Variants in LHCGR observed in about 807,000 individuals in gnomAD.
LHCGR encodes the protein lutropin-choriogonadotropic hormone receptor.
Under a neutral mutation model 60.7 loss-of-function variants are expected in LHCGR, and 55 were observed. That is an observed-to-expected ratio of 0.91 (90% CI 0.73 to 1.13). The LOEUF (loss-of-function observed/expected upper bound fraction) is 1.13. LHCGR is among the 50% of genes most tolerant of loss of function. The probability of loss-of-function intolerance (pLI) is 0.00; values close to 1 mark genes in which losing one functional copy is unlikely to be tolerated. For synonymous variants in LHCGR, 337 were observed against 316.5 expected (o/e 1.06, Z -0.69); for missense variants, 862 against 836.0 (o/e 1.03, Z -0.38).
In LHCGR at chr2:48,755,596, G is replaced by C; in HGVS notation, c.76C>G (p.Arg26Gly). The C allele has an allele frequency of 6.5e-7, 1 of 1,537,854 alleles. No individual in the cohort carries two copies. Residue 26 changes from arginine (R) to glycine (G), a missense_variant, in exon 1 of 11, where the codon CGC becomes GGC. Physicochemically the swap from Arg to Gly is moderately radical, Grantham distance 125 (BLOSUM62 -2). Transcript: ENST00000294954. ...CAGGGCTCAGGGCAGAGCGCCTCGC[G>C]CAGCGCTCGTGGCAGCGGCGGCTGC... is the stretch of plus-strand genomic sequence containing the variant. ...LLQPPLPRAL[R>G]EALCPEPCNC... is the part of the protein sequence containing the mutation.
intron 3 of LHCGR, among the ~76,000 whole-genome samples, chr2:48,727,308 C>A (rs1414418131): frequency 1.3e-5 from 2 of 152,032 alleles, no homozygotes; most frequent in African/African-American, 2.4e-5. Context: ...TGGGGCCTGA[C>A]CTTAGCCCAG....
intron 1 of LHCGR, among the ~76,000 whole-genome samples, chr2:48,739,485 A>G (rs927886472): frequency 9.9e-5 from 15 of 151,896 alleles, no homozygotes; most frequent in African/African-American, 3.1e-4. Flanking sequence ...TGCAGCCATA[A>G]AAAATGATGA....
intron 1 of LHCGR, among the ~76,000 whole-genome samples, chr2:48,748,305 C>A (rs1669801300): frequency 6.6e-6 from 1 of 152,106 alleles, no homozygotes; most frequent in South Asian, 2.1e-4. Context: ...ACAAGTCTCA[C>A]CTGAAGGCTT....
At chr2:48,734,104 C>A (rs933597243) in intron 1 of LHCGR, among the ~76,000 whole-genome samples, 2 of 152,142 alleles carry the variant, frequency 1.3e-5, no homozygotes, top group Admixed American at 6.5e-5. Context: ...TTGGAGGCAA[C>A]CTGGGTGTCC....
chr2:48,753,915 A>G (rs993938270), intron 1 of LHCGR, among the ~76,000 whole-genome samples: 1 of 152,228 alleles, frequency 6.6e-6, no homozygotes, highest in Non-Finnish European at 1.5e-5. Flanking sequence ...TTGCTATTCA[A>G]TAGCTGTGAG....
intron 7 of LHCGR, among the ~76,000 whole-genome samples, chr2:48,710,059 T>C (rs1457641035): frequency 6.6e-6 from 1 of 152,132 alleles, no homozygotes; most frequent in Non-Finnish European, 1.5e-5. Flanking sequence ...AAAACAAACA[T>C]ACTAACACCC....
rs377382364 is a variant in LHCGR, at chr2:48,731,134, T to C, written c.233+93A>G. The C allele has an allele frequency of 1.8e-3, 1,481 of 828,662 alleles. 4 individuals carry two copies. The highest frequency in any genetic ancestry group is 1.9e-3 in the Non-Finnish European group (937 of 488,850). 51.3% of individuals were successfully genotyped at this position (828,662 alleles called of 1,614,324 possible). Reference sequence around the variant, plus strand: ...AGTATCCTAAACACAATTTCTTTCCTAGAAAAATTATCCCCTTTCAAATGT... The same window carrying C: ...AGTATCCTAAACACAATTTCTTTCCCAGAAAAATTATCCCCTTTCAAATGT... On this transcript the variant is annotated intron_variant, in intron 2 of 10. Transcript: ENST00000294954.
intron 1 of LHCGR, among the ~76,000 whole-genome samples, chr2:48,739,318 A>G (rs558112029): frequency 6.6e-6 from 1 of 152,348 alleles, no homozygotes; most frequent in South Asian, 2.1e-4. Context: ...CTGGGTATAT[A>G]CCCAAAGGAT....
chr2:48,690,696 C>T (rs1027621721), intron 10 of LHCGR, among the ~76,000 whole-genome samples: 5 of 152,170 alleles, frequency 3.3e-5, no homozygotes, highest in African/African-American at 1.2e-4. Flanking sequence ...TAAAGATAAG[C>T]TCTTCTATGA....
chr2:48,709,109 A>T (rs952624057), intron 7 of LHCGR, 87 bp from the exon 8 acceptor site: 4 of 976,644 alleles, frequency 4.1e-6, no homozygotes, highest in South Asian at 1.3e-5. Flanking sequence ...AGACCAAGCT[A>T]TGTGCATGAT....
chr2:48,728,221 G>T (rs1287675114), intron 3 of LHCGR, among the ~76,000 whole-genome samples: 1 of 152,120 alleles, frequency 6.6e-6, no homozygotes, highest in South Asian at 2.1e-4. Flanking sequence ...GTGTCACATC[G>T]GTCAAGTTTC....
intron 8 of LHCGR, among the ~76,000 whole-genome samples, chr2:48,704,601 T>C (rs559863980): frequency 6.6e-6 from 1 of 152,358 alleles, no homozygotes; most frequent in South Asian, 2.1e-4. Context: ...TTTGACTTCT[T>C]CCTGGTTTAG....
chr2:48,693,316 T>C (rs1004855249), intron 10 of LHCGR, among the ~76,000 whole-genome samples: 3 of 152,208 alleles, frequency 2.0e-5, no homozygotes, highest in Non-Finnish European at 4.4e-5. Flanking sequence ...ATGGTATTTC[T>C]GCTGTTCCTT....
At chr2:48,745,724 G>A (rs1480910218) in intron 1 of LHCGR, among the ~76,000 whole-genome samples, 88 of 149,504 alleles carry the variant, frequency 5.9e-4, no homozygotes, top group African/African-American at 1.7e-3. Flanking sequence ...GAGGGATAGC[G>A]TTGGGAGATA....
chr2:48,690,989 A>G (rs1680204513), intron 10 of LHCGR, among the ~76,000 whole-genome samples: 1 of 152,250 alleles, frequency 6.6e-6, no homozygotes, highest in South Asian at 2.1e-4. Context: ...GAGAGGATAC[A>G]GGGACAATGA....
chr2:48,689,225 A>G (rs1680082588), intron 10 of LHCGR, among the ~76,000 whole-genome samples: 1 of 151,854 alleles, frequency 6.6e-6, no homozygotes, highest in Non-Finnish European at 1.5e-5. Flanking sequence ...TATAACATTG[A>G]TACAAAAACT....
chr2:48,747,934 T>G (rs1194579163), intron 1 of LHCGR, among the ~76,000 whole-genome samples: 1 of 152,160 alleles, frequency 6.6e-6, no homozygotes, highest in Non-Finnish European at 1.5e-5. Flanking sequence ...CCGAAGGCTT[T>G]GAATAGCGAT....
chr2:48,729,017 G>T, intron 3 of LHCGR, 136 bp downstream of exon 3: 1 of 778,916 alleles, frequency 1.3e-6, no homozygotes, highest in Non-Finnish European at 2.3e-6. Flanking sequence ...ATTAGTGCCT[G>T]CCCAGACCTA....
rs566843907 is a variant in LHCGR at position 48,727,289 on chromosome 2, A to T, written c.309-1539T>A. On this transcript the variant is annotated intron_variant, in intron 3 of 10. Transcript: ENST00000294954. ...AAAAAAGATTAAAAGAAATTTAATA[A>T]AAGAATTTTGGGGCCTGACCTTAGC... Among the ~76,000 whole-genome samples the T allele has an allele frequency of 5.1e-4, 77 of 152,298 alleles. 3 individuals are homozygous for T. In the South Asian group the frequency reaches 0.016, roughly 31 times the overall value.
Sources: gnomAD v4.1 joint callset for allele counts (sites outside exome capture counted in the v4.1 genomes callset) on GRCh38, gnomAD v4.1.1 for gene constraint, MANE v1.5 for transcripts, NCBI Gene and HGNC (gene_info 2026-07-23, HGNC 2026-07-21) for gene names.